Variants in ALK observed in about 807,000 individuals in gnomAD.
ALK encodes ALK receptor tyrosine kinase.
Under a neutral mutation model 163.1 loss-of-function variants are expected in ALK, and 74 were observed. The observed-to-expected ratio is 0.45, with a 90% CI of 0.38 to 0.55. The LOEUF (loss-of-function observed/expected upper bound fraction) is 0.55. ALK is among the 20% of genes least tolerant of loss of function. ALK has a pLI of 0.00. For synonymous variants in ALK, 960 were observed against 843.2 expected (o/e 1.14, Z -2.40); for missense variants, 2,063 against 2,105.3 (o/e 0.98, Z 0.39).
intron 4 of ALK, among the ~76,000 whole-genome samples, chr2:29,491,103 G>A (rs1332963431): frequency 3.3e-5 from 5 of 152,212 alleles, no homozygotes; most frequent in Admixed American, 6.5e-5. Flanking sequence ...TAAGAACTAC[G>A]CTATAAGTCC....
intron 3 of ALK, among the ~76,000 whole-genome samples, chr2:29,651,773 T>C (rs1302023312): frequency 6.6e-6 from 1 of 152,176 alleles, no homozygotes; most frequent in Non-Finnish European, 1.5e-5. Context: ...ATTGAATCTT[T>C]CTGCAGCATT....
intron 1 of ALK, among the ~76,000 whole-genome samples, chr2:29,843,550 G>C (rs1013206710): frequency 3.9e-5 from 6 of 152,156 alleles, no homozygotes; most frequent in African/African-American, 1.4e-4. Context: ...ATATACTCCT[G>C]CAGCCTGAGG....
At chr2:29,370,623 C>T (rs2148292712) in intron 5 of ALK, among the ~76,000 whole-genome samples, 1 of 152,316 alleles carries the variant, frequency 6.6e-6, no homozygotes, top group South Asian at 2.1e-4. Context: ...CTTATTATGA[C>T]CATGTGAGTT....
rs10524599 is a variant in ALK, at chr2:29,785,912, TACACACAC to T, written c.668-68223_668-68216del. On this transcript the variant is annotated intron_variant, in intron 1 of 28. Transcript: ENST00000389048. ...ACATAGGGGGAAATGTTTTTGAGTA[TACACACAC>T]ACACACACACACACACACACACACA... Among the ~76,000 whole-genome samples, 160 of 146,736 alleles carry T rather than the reference TACACACAC, an allele frequency of 1.1e-3. 4 individuals are homozygous for T. The highest frequency in any genetic ancestry group is 4.0e-3 in the African/African-American group (152 of 38,420).
intron 3 of ALK, among the ~76,000 whole-genome samples, chr2:29,537,943 G>A (rs763507879): frequency 7.2e-5 from 11 of 152,216 alleles, no homozygotes; most frequent in Non-Finnish European, 1.3e-4. Context: ...CTTGTGTGAT[G>A]CCTATTACCC....
intron 4 of ALK, among the ~76,000 whole-genome samples, chr2:29,483,505 A>T (rs1322322968): frequency 6.6e-6 from 1 of 152,256 alleles, no homozygotes; most frequent in Non-Finnish European, 1.5e-5. Context: ...TCCACATTTT[A>T]ACAGGATTCT....
intron 3 of ALK, among the ~76,000 whole-genome samples, chr2:29,648,141 C>T (rs1309827162): frequency 6.6e-6 from 1 of 152,134 alleles, no homozygotes; most frequent in African/African-American, 2.4e-5. Flanking sequence ...TGACTTTGCT[C>T]ATGCAGTTCC....
rs974930400 is a variant in ALK, at chr2:29,193,402, A to G, written c.4685T>C (p.Leu1562Pro). The change falls in exon 29 of 29, where the codon CTG (leucine) becomes CCG (proline). Residue 1562 changes from leucine (L) to proline (P), a missense_variant. Physicochemically the swap from Leu to Pro is moderately conservative, Grantham distance 98 (BLOSUM62 -3). Transcript: ENST00000389048. ...GASLLLEPSS[L>P]TANMKEVPLF... ...AGGTACCTCCTTCATATTGGCAGTCAGCGAAGAGGGCTCTAGGAGCAGTGA... is the reference window on the plus strand; with the variant it reads ...AGGTACCTCCTTCATATTGGCAGTCGGCGAAGAGGGCTCTAGGAGCAGTGA... The G allele has an allele frequency of 1.9e-6, 3 of 1,614,220 alleles. No homozygotes were observed. The highest frequency in any genetic ancestry group is 2.5e-6 in the Non-Finnish European group (3 of 1,180,034).
chr2:29,628,999 C>T (rs1315844762), intron 3 of ALK, among the ~76,000 whole-genome samples: 3 of 152,140 alleles, frequency 2.0e-5, no homozygotes, highest in Non-Finnish European at 2.9e-5. Context: ...AAAATGAAAC[C>T]TAAGACTGCC....
At chr2:29,877,168 C>A (rs1355556148) in intron 1 of ALK, among the ~76,000 whole-genome samples, 1 of 152,194 alleles carries the variant, frequency 6.6e-6, no homozygotes, top group Admixed American at 6.5e-5. Context: ...AAATATATAA[C>A]TTCTTTTTGC....
At chr2:29,691,004 A>G (rs945512238) in intron 3 of ALK, among the ~76,000 whole-genome samples, 1 of 152,222 alleles carries the variant, frequency 6.6e-6, no homozygotes, top group Admixed American at 6.5e-5. Flanking sequence ...ATTGGAATAT[A>G]GGACACTGCT....
At chr2:29,852,537 T>C (rs1238420056) in intron 1 of ALK, among the ~76,000 whole-genome samples, 1 of 152,194 alleles carries the variant, frequency 6.6e-6, no homozygotes, top group Non-Finnish European at 1.5e-5. Flanking sequence ...TGGAATTGGA[T>C]AAGCAGCCTG....
chr2:29,618,610 T>G (rs1376572169), intron 3 of ALK, among the ~76,000 whole-genome samples: 1 of 152,092 alleles, frequency 6.6e-6, no homozygotes, highest in Non-Finnish European at 1.5e-5. Context: ...GATTCTCTCC[T>G]CCCTAACCCC....
At chr2:29,523,858 G>GTTTTTTTTTTTTTTTTTTTTTTTTTTTTT (rs58587837) in intron 4 of ALK, among the ~76,000 whole-genome samples, 1 of 110,950 alleles carries the variant, frequency 9.0e-6, no homozygotes. Context: ...GAAGCTGAAG[G>GTTTTTTTTTTTTTTTTTTTTTTTTTTTTT]TTTTTTTTTT....
At chr2:29,534,804 G>A (rs1558372145) in intron 3 of ALK, among the ~76,000 whole-genome samples, 1 of 152,146 alleles carries the variant, frequency 6.6e-6, no homozygotes, top group Non-Finnish European at 1.5e-5. Flanking sequence ...TGTAAATTCT[G>A]TCCCCGAAAT....
At chr2:29,328,897 T>C (rs1573239882) in intron 5 of ALK, among the ~76,000 whole-genome samples, 1 of 152,346 alleles carries the variant, frequency 6.6e-6, no homozygotes, top group East Asian at 1.9e-4. Flanking sequence ...TCTGGTCTAG[T>C]GCATGTCCCC....
intron 4 of ALK, among the ~76,000 whole-genome samples, chr2:29,476,061 C>T (rs1487796408): frequency 3.9e-5 from 6 of 152,158 alleles, no homozygotes; most frequent in African/African-American, 1.4e-4. Flanking sequence ...TGCCTATGGG[C>T]GGGAGTGGTC....
chr2:29,278,605 C>A (rs552178549), intron 9 of ALK, among the ~76,000 whole-genome samples: 1 of 152,202 alleles, frequency 6.6e-6, no homozygotes, highest in Non-Finnish European at 1.5e-5. Flanking sequence ...TAACCCTGGA[C>A]AAAGCCCAAG....
chr2:29,295,086 C>T (rs1318927379), intron 9 of ALK, among the ~76,000 whole-genome samples: 8 of 152,176 alleles, frequency 5.3e-5, no homozygotes, highest in Non-Finnish European at 1.2e-4. Context: ...TGTAATTGTA[C>T]ACTTATTAGG....
Sources: allele counts gnomAD v4.1 joint callset (sites outside exome capture counted in the v4.1 genomes callset), GRCh38; gene constraint gnomAD v4.1.1; transcripts MANE v1.5; gene names NCBI Gene and HGNC (gene_info 2026-07-23, HGNC 2026-07-21).